The following PDE4D variants were observed in gnomAD, a reference collection of about 807,000 sequenced individuals.
PDE4D encodes the protein 3',5'-cyclic-AMP phosphodiesterase 4D.
Under a neutral mutation model 87.4 loss-of-function variants are expected in PDE4D, and 24 were observed. The ratio of observed to expected loss-of-function variants is 0.27; its 90% confidence interval spans 0.20 to 0.39. The LOEUF is 0.39. PDE4D is among the 10% of genes least tolerant of loss of function. The pLI, the probability that PDE4D is intolerant of heterozygous loss-of-function variation, is 1.00. For synonymous variants in PDE4D, 384 were observed against 383.2 expected (o/e 1.00, Z -0.02); for missense variants, 714 against 1,041.0 (o/e 0.69, Z 4.32).
intron 1 of PDE4D, among the ~76,000 whole-genome samples, chr5:60,256,995 T>C (rs1209204311): frequency 6.6e-6 from 1 of 151,940 alleles, no homozygotes; most frequent in Non-Finnish European, 1.5e-5. Flanking sequence ...TGGAATGTAA[T>C]CATTTCATAA....
Position 59,248,041 on chromosome 5 carries a change from G to GCAAAAA in PDE4D, c.456-32074_456-32073insTTTTTG, listed in dbSNP as rs1561805685. 4.2e-5 allele frequency among the ~76,000 whole-genome samples: 2 copies of GCAAAAA among 47,836 alleles called. 1 individual carries two copies. The highest frequency in any genetic ancestry group is 6.0e-4 in the Admixed American group (2 of 3,328). 31.4% of individuals were successfully genotyped at this position (47,836 alleles called of 152,430 possible). The stretch of plus-strand genomic sequence containing the variant: ...ATTTTATTGGATACCGTATCTATTA[G>GCAAAAA]TAAAAAAAAAAAAAAAAAAAAAAAA... On this transcript the variant is annotated intron_variant, in intron 1 of 14. Coordinates refer to ENST00000340635, the MANE Select transcript of PDE4D (RefSeq NM_001104631.2).
At chr5:59,076,651 G>T (rs765570934) in intron 5 of PDE4D, among the ~76,000 whole-genome samples, 8 of 152,030 alleles carry the variant, frequency 5.3e-5, no homozygotes, top group African/African-American at 1.9e-4. Context: ...TGAGCAGATG[G>T]GATTACTTTT....
At chr5:59,758,654 T>C (rs1351741949) in intron 1 of PDE4D, among the ~76,000 whole-genome samples, 1 of 152,216 alleles carries the variant, frequency 6.6e-6, no homozygotes, top group African/African-American at 2.4e-5. Flanking sequence ...CCTAAAATTA[T>C]GCCTTTCAGA....
upstream of PDE4D, among the ~76,000 whole-genome samples, chr5:60,488,613 A>G (rs1749338366): frequency 6.6e-6 from 1 of 152,054 alleles, no homozygotes; most frequent in East Asian, 1.9e-4. Flanking sequence ...ACTTGAAACT[A>G]AAACGATCAT....
chr5:59,244,680 C>CTGTGTGTG (rs369829189), intron 1 of PDE4D, among the ~76,000 whole-genome samples: 1,263 of 120,006 alleles, frequency 0.011, 24 homozygotes, highest in Non-Finnish European at 0.014. Context: ...GTGTGTGTGT[C>CTGTGTGTG]TGTGTGTGTG....
At chr5:59,559,209 A>C (rs1283260807) in intron 1 of PDE4D, among the ~76,000 whole-genome samples, 1 of 152,158 alleles carries the variant, frequency 6.6e-6, no homozygotes, top group Non-Finnish European at 1.5e-5. Flanking sequence ...GAGATTATTA[A>C]ATTATTAAAT....
Position 59,399,285 on chromosome 5 carries a change from G to C in PDE4D, c.456-183317C>G, listed in dbSNP as rs1467965232. 1.3e-3 allele frequency among the ~76,000 whole-genome samples: 175 copies of C among 132,276 alleles called. 4 individuals are homozygous for C. The highest frequency in any genetic ancestry group is 4.4e-3 in the African/African-American group (162 of 37,166). The allele number at this position is 132,276 out of a possible 152,430, so 86.8% of individuals were successfully genotyped here. On this transcript the variant is annotated intron_variant, in intron 1 of 14. Transcript: ENST00000340635. ...GCCTGCATCACCAAGTCAAACCTAA[G>C]CCAAAAGAACAAAGCTGGAGGCATC...
At chr5:59,216,234 A>G (rs1437171968) in intron 1 of PDE4D, among the ~76,000 whole-genome samples, 1 of 152,216 alleles carries the variant, frequency 6.6e-6, no homozygotes, top group Admixed American at 6.5e-5. Context: ...TAAAAGGGAA[A>G]CACTCTGCAA....
At chr5:59,017,734 C>T (rs1754329162) in intron 6 of PDE4D, among the ~76,000 whole-genome samples, 1 of 152,094 alleles carries the variant, frequency 6.6e-6, no homozygotes. Context: ...TCCAAGGCCG[C>T]ATAATATAAC....
At chr5:59,768,084 T>C (rs569620468) in intron 1 of PDE4D, among the ~76,000 whole-genome samples, 12 of 152,266 alleles carry the variant, frequency 7.9e-5, no homozygotes, top group African/African-American at 2.9e-4. Flanking sequence ...TGCCCTGACT[T>C]GGACATTTGT....
chr5:60,395,476 T>C (rs537566277), intron 1 of PDE4D, among the ~76,000 whole-genome samples: 8 of 152,114 alleles, frequency 5.3e-5, no homozygotes, highest in Non-Finnish European at 1.2e-4. Context: ...TTATTAACAA[T>C]GTGAAATATT....
At chr5:59,743,726 C>T (rs1759193720) in intron 1 of PDE4D, among the ~76,000 whole-genome samples, 1 of 152,160 alleles carries the variant, frequency 6.6e-6, no homozygotes, top group South Asian at 2.1e-4. Flanking sequence ...AGTTTCTTCT[C>T]TCAAAAGCAG....
At chr5:60,110,039 T>G (rs1452619182) in intron 2 of PDE4D, among the ~76,000 whole-genome samples, 1 of 151,948 alleles carries the variant, frequency 6.6e-6, no homozygotes, top group African/African-American at 2.4e-5. Context: ...TAAAAACCTA[T>G]TCTTTTGGTT....
intron 3 of PDE4D, among the ~76,000 whole-genome samples, chr5:59,947,024 G>A (rs1455315972): frequency 2.0e-5 from 3 of 152,138 alleles, no homozygotes; most frequent in Non-Finnish European, 4.4e-5. Flanking sequence ...AAACAGAAAA[G>A]TTTTGATTCT....
intron 1 of PDE4D, among the ~76,000 whole-genome samples, chr5:59,416,674 A>G (rs1793667523): frequency 6.6e-6 from 1 of 152,228 alleles, no homozygotes; most frequent in Admixed American, 6.5e-5. Context: ...GTGTCCCCAA[A>G]GTTAGATCAT....
chr5:59,617,748 G>A (rs1344823130), intron 1 of PDE4D, among the ~76,000 whole-genome samples: 3 of 152,126 alleles, frequency 2.0e-5, no homozygotes, highest in Non-Finnish European at 4.4e-5. Context: ...CCAACACCTC[G>A]ATCGTAGAAT....
chr5:60,090,578 A>C (rs1775017026), intron 2 of PDE4D, among the ~76,000 whole-genome samples: 1 of 152,180 alleles, frequency 6.6e-6, no homozygotes, highest in African/African-American at 2.4e-5. Flanking sequence ...CATCATTCTG[A>C]ATGGGGAAAA....
chr5:59,683,691 C>CCT (rs1443662081), intron 1 of PDE4D, among the ~76,000 whole-genome samples: 1 of 152,112 alleles, frequency 6.6e-6, no homozygotes, highest in Non-Finnish European at 1.5e-5. Context: ...TACATTTTGG[C>CCT]CTTATGCCCT....
At chr5:59,959,233 A>G (rs1156384871) in intron 3 of PDE4D, among the ~76,000 whole-genome samples, 2 of 152,150 alleles carry the variant, frequency 1.3e-5, no homozygotes, top group African/African-American at 4.8e-5. Context: ...ACAAATGGAA[A>G]AACATTTCAT....
Sources: allele counts gnomAD v4.1 joint callset (sites outside exome capture counted in the v4.1 genomes callset), GRCh38; gene constraint gnomAD v4.1.1; transcripts MANE v1.5; gene names NCBI Gene and HGNC (gene_info 2026-07-23, HGNC 2026-07-21).